Variants in ANO4 observed in about 807,000 individuals in gnomAD.
The protein encoded by ANO4 is anoctamin-4.
Under a neutral mutation model 141.9 loss-of-function variants are expected in ANO4, and 69 were observed. The observed-to-expected ratio is 0.49, with a 90% confidence interval of 0.40 to 0.59. ANO4 has a LOEUF of 0.59. ANO4 is among the 20% of genes least tolerant of loss of function. The pLI, the probability that ANO4 is intolerant of heterozygous loss-of-function variation, is 0.00. For synonymous variants in ANO4, 350 were observed against 394.3 expected, an observed-to-expected ratio of 0.89 and a Z score of 1.33; for missense variants, 894 against 1,162.2, an observed-to-expected ratio of 0.77 and a Z score of 3.36.
intron 9 of ANO4, among the ~76,000 whole-genome samples, chr12:101,028,651 A>G (rs2136538106): frequency 6.6e-6 from 1 of 152,326 alleles, no homozygotes; most frequent in South Asian, 2.1e-4. Context: ...AGGAACAAAC[A>G]AAACCTCCAA....
intron 11 of ANO4, among the ~76,000 whole-genome samples, chr12:101,040,459 A>G (rs1176110346): frequency 1.3e-5 from 2 of 152,274 alleles, no homozygotes; most frequent in Non-Finnish European, 2.9e-5. Flanking sequence ...ACTGTTAGCA[A>G]ATAGGACAAA....
At chr12:101,027,229 G>A (rs985741549) in intron 9 of ANO4, among the ~76,000 whole-genome samples, 1 of 152,176 alleles carries the variant, frequency 6.6e-6, no homozygotes, top group African/African-American at 2.4e-5. Flanking sequence ...TGCAACCCAC[G>A]GATTAGAAGA....
intron 7 of ANO4, among the ~76,000 whole-genome samples, chr12:100,976,894 G>A (rs184917391): frequency 3.9e-5 from 6 of 152,330 alleles, no homozygotes; most frequent in African/African-American, 1.4e-4. Flanking sequence ...TAAAAAGAAT[G>A]TAGGGTTGGG....
intron 8 of ANO4, among the ~76,000 whole-genome samples, chr12:101,015,814 C>T (rs989044465): frequency 2.0e-5 from 3 of 152,038 alleles, no homozygotes; most frequent in African/African-American, 7.2e-5. Context: ...TCATGTTTGC[C>T]AGAGTTGCTT....
At chr12:101,088,753 G>A (rs1395050171) in intron 17 of ANO4, among the ~76,000 whole-genome samples, 1 of 151,786 alleles carries the variant, frequency 6.6e-6, no homozygotes, top group African/African-American at 2.4e-5. Flanking sequence ...TAATTAGCCA[G>A]GTGGCACACC....
chr12:100,995,417 C>T (rs1362604005), intron 8 of ANO4, among the ~76,000 whole-genome samples: 1 of 152,174 alleles, frequency 6.6e-6, no homozygotes, highest in Non-Finnish European at 1.5e-5. Flanking sequence ...GGGAGGGAGC[C>T]TGATCCTGTA....
intron 2 of ANO4, among the ~76,000 whole-genome samples, chr12:100,903,525 G>T (rs894141262): frequency 1.3e-5 from 2 of 152,112 alleles, no homozygotes; most frequent in Admixed American, 6.5e-5. Flanking sequence ...TTCATTTTTT[G>T]CCCTCTTCTT....
chr12:100,910,647 G>C (rs2136063157), intron 2 of ANO4, among the ~76,000 whole-genome samples: 1 of 152,124 alleles, frequency 6.6e-6, no homozygotes, highest in East Asian at 1.9e-4. Context: ...AAACTATAAA[G>C]CTTAGTGGAT....
rs187618740 is a variant in ANO4, at chr12:101,051,851, G to T, written c.1312+3450G>T. ...TAGAGACCTGAACCTTAAAATAAAG[G>T]ACTGCTATGCCTGTCCTGAGCCTCA... On this transcript the variant is annotated intron_variant, in intron 14 of 27. Transcript: ENST00000392977. Among the ~76,000 whole-genome samples the T allele has an allele frequency of 1.5e-4, 23 of 152,254 alleles. No homozygotes were observed. In the East Asian group the frequency reaches 3.7e-3, roughly 24 times the overall value.
chr12:100,911,279 AG>A (rs2041089691), intron 2 of ANO4, among the ~76,000 whole-genome samples: 1 of 152,200 alleles, frequency 6.6e-6, no homozygotes, highest in South Asian at 2.1e-4. Context: ...TAAATGGTGA[AG>A]GCAAGATTCT....
intron 16 of ANO4, 151 bp downstream of exon 16, chr12:101,083,969 G>A (rs986127696): frequency 9.3e-6 from 7 of 756,112 alleles, no homozygotes; most frequent in South Asian, 2.2e-5. Flanking sequence ...GGTCAGGGAT[G>A]GTATTGCTAT....
intron 1 of ANO4, among the ~76,000 whole-genome samples, chr12:100,827,202 AC>A (rs926349360): frequency 1.3e-5 from 2 of 151,794 alleles, no homozygotes; most frequent in African/African-American, 4.8e-5. Flanking sequence ...TTCCTCATGT[AC>A]CCTATTTCAG....
intron 26 of ANO4, among the ~76,000 whole-genome samples, chr12:101,123,978 A>T (rs370537588): frequency 3.3e-5 from 5 of 151,952 alleles, no homozygotes; most frequent in East Asian, 1.9e-4. Context: ...GTCCTTTGCC[A>T]TACAAGTTAT....
chr12:101,126,722 C>T (rs2137083342), intron 26 of ANO4, among the ~76,000 whole-genome samples, 157 bp from the exon 27 acceptor site: 1 of 152,254 alleles, frequency 6.6e-6, no homozygotes, highest in East Asian at 1.9e-4. Context: ...CCAGTTCAGG[C>T]CTCACCTGTC....
intron 1 of ANO4, among the ~76,000 whole-genome samples, chr12:100,886,273 C>T (rs1029232529): frequency 3.3e-5 from 5 of 151,776 alleles, no homozygotes; most frequent in South Asian, 2.1e-4. Flanking sequence ...AGTGATTCCC[C>T]GCTGTCTTAG....
chr12:100,932,319 A>G (rs1459848783), intron 3 of ANO4, among the ~76,000 whole-genome samples: 1 of 151,236 alleles, frequency 6.6e-6, no homozygotes, highest in Non-Finnish European at 1.5e-5. Context: ...TTTTGATTGT[A>G]TTTCTTACTG....
chr12:100,898,559 T>A (rs1049537855), intron 1 of ANO4, among the ~76,000 whole-genome samples: 2 of 152,154 alleles, frequency 1.3e-5, no homozygotes, highest in Admixed American at 1.3e-4. Context: ...TTGAATTATT[T>A]TTTATTTTTA....
At chr12:100,997,078 G>A (rs2045413123) in intron 8 of ANO4, among the ~76,000 whole-genome samples, 3 of 152,136 alleles carry the variant, frequency 2.0e-5, no homozygotes, top group Admixed American at 2.0e-4. Context: ...GCTCACGCCT[G>A]TAATCCCAGC....
At chr12:100,901,920 A>G in intron 2 of ANO4, 80 bp downstream of exon 2, 1 of 1,319,704 alleles carries the variant, frequency 7.6e-7, no homozygotes, top group Non-Finnish European at 1.0e-6. Flanking sequence ...TATTGTGTAA[A>G]TATGCCATAC....
Sources: gnomAD v4.1 joint callset for allele counts (sites outside exome capture counted in the v4.1 genomes callset) on GRCh38, gnomAD v4.1.1 for gene constraint, MANE v1.5 for transcripts, NCBI Gene and HGNC (gene_info 2026-07-23, HGNC 2026-07-21) for gene names.